PPM1K: variants seen among roughly 807,000 people sequenced by gnomAD.
PPM1K encodes protein phosphatase, Mg2+/Mn2+ dependent 1K.
PPM1K carries 19 observed loss-of-function variants against 32.6 expected under a neutral mutation model. The observed-to-expected ratio is 0.58, with a 90% confidence interval of 0.41 to 0.86. The LOEUF (loss-of-function observed/expected upper bound fraction) is 0.86, where lower values mean the gene tolerates loss of function less well. Among genes scored for constraint, PPM1K ranks in the 40% least tolerant of loss-of-function variants. The pLI is 0.00. For missense variants in PPM1K, 362 were observed against 461.2 expected, an observed-to-expected ratio of 0.78 and a Z score of 1.97; for synonymous variants, 159 against 165.3, an observed-to-expected ratio of 0.96 and a Z score of 0.29.
intron 3 of PPM1K, among the ~76,000 whole-genome samples, chr4:88,272,320 T>C (rs1268126343): frequency 6.6e-6 from 1 of 152,168 alleles, no homozygotes; most frequent in Non-Finnish European, 1.5e-5. Flanking sequence ...GTAGTTTAAT[T>C]CTTCCATAAA....
In PPM1K at chr4:88,262,613, G is replaced by A. The variant is rs1423602298; in HGVS notation, c.1101C>T (p.Ser367=). 15 of 1,613,884 alleles carry A rather than the reference G, an allele frequency of 9.3e-6. No homozygotes were observed. The highest frequency in any genetic ancestry group is 1.3e-5 in the African/African-American group (1 of 74,896). ...INFSFSRSFA[S]SGRWA ...CTGGTAATCAGGCCCATCGTCCACTGGAGGCAAAGCTTCTGCTGAATGAGA... is the reference window on the plus strand; with the variant it reads ...CTGGTAATCAGGCCCATCGTCCACTAGAGGCAAAGCTTCTGCTGAATGAGA... Residue 367 remains serine (S), a synonymous_variant, in exon 7 of 7, where the codon TCC becomes TCT. Transcript: ENST00000608933.
At chr4:88,276,285 TAAG>T (rs775344398) in intron 3 of PPM1K, 24 of 985,420 alleles carry the variant, frequency 2.4e-5, no homozygotes, top group Non-Finnish European at 2.9e-5. Flanking sequence ...TTCTTTTTTT[TAAG>T]AAAAGGATGA....
rs56695048 is a variant in PPM1K, at chr4:88,261,864, ATTTTTTTTTTTTTTT to A, written c.*716_*730del. ...AGGTGTCTGCCACCACGCCCAGCCA[ATTTTTTTTTTTTTTT>A]TTTTTTTTTTTTTGGATTTTTACTA... On this transcript the variant is annotated 3_prime_UTR_variant, in exon 7 of 7. Coordinates refer to ENST00000608933, the MANE Select transcript of PPM1K (RefSeq NM_152542.5). 2.7e-4 allele frequency: 20 copies of A among 74,650 alleles called. No individual in the cohort carries two copies. Among genetic ancestry groups the A allele is most frequent in the Non-Finnish European group, 4.6e-4 (19 of 40,894 alleles). The allele number at this position is 74,650 out of a possible 1,614,324, so 4.6% of individuals were successfully genotyped here.
Position 88,268,337 on chromosome 4 carries a change from G to A in PPM1K, c.708-3C>T. On this transcript the variant is annotated splice_region_variant and splice_polypyrimidine_tract_variant and intron_variant, in intron 4 of 6. Coordinates refer to ENST00000608933, the MANE Select transcript of PPM1K (RefSeq NM_152542.5). ...CAAAACCACCACATTTCTTGATCCTGTTAAAAGTTAAATGACAATGGTGTG... is the reference window on the plus strand; with the variant it reads ...CAAAACCACCACATTTCTTGATCCTATTAAAAGTTAAATGACAATGGTGTG... The A allele has an allele frequency of 6.8e-6, 11 of 1,614,174 alleles. No homozygotes were observed. The highest frequency in any genetic ancestry group is 9.3e-6 in the Non-Finnish European group (11 of 1,180,030).
intron 3 of PPM1K, among the ~76,000 whole-genome samples, chr4:88,273,297 A>T (rs1731634070): frequency 6.6e-6 from 1 of 152,206 alleles, no homozygotes; most frequent in African/African-American, 2.4e-5. Flanking sequence ...TTCTTTTCTA[A>T]CAAAGAGCAA....
chr4:88,275,330 A>G, intron 3 of PPM1K: 1 of 963,690 alleles, frequency 1.0e-6, no homozygotes. Context: ...TTTTGTGATT[A>G]ATTTCTTTAT....
chr4:88,271,816 G>A (rs1220700058), intron 3 of PPM1K, among the ~76,000 whole-genome samples: 4 of 152,146 alleles, frequency 2.6e-5, no homozygotes, highest in Admixed American at 6.5e-5. Context: ...AAGATACATA[G>A]AGTAATGCAT....
At chr4:88,273,089 A>T (rs942709806) in intron 3 of PPM1K, among the ~76,000 whole-genome samples, 1 of 152,236 alleles carries the variant, frequency 6.6e-6, no homozygotes, top group Non-Finnish European at 1.5e-5. Flanking sequence ...AATGTTAGTA[A>T]GATAATTTGA....
Position 88,258,620 on chromosome 4 carries a change from CTG to C in PPM1K, c.*3973_*3974del, listed in dbSNP as rs1730998505. 6.7e-6 allele frequency: 1 copy of C among 149,890 alleles called. No individual in the cohort carries two copies. Among genetic ancestry groups the C allele is most frequent in the African/African-American group, 2.5e-5 (1 of 40,748 alleles). 9.3% of individuals were successfully genotyped at this position (149,890 alleles called of 1,614,324 possible). A position where few individuals can be genotyped will look rare whatever the true frequency, so the allele number is the denominator to read the frequency against. ...TCCAGCCTGGCGACAGAGCGAGACTCTGTCTCAAGAAAAAAAAAAAATTCCAT... is the reference window on the plus strand; with the variant it reads ...TCCAGCCTGGCGACAGAGCGAGACTCTCTCAAGAAAAAAAAAAAATTCCAT... On this transcript the variant is annotated 3_prime_UTR_variant, in exon 7 of 7. Transcript: ENST00000608933.
chr4:88,283,973 C>T (rs1487180325), intron 1 of PPM1K: 3 of 152,328 alleles, frequency 2.0e-5, no homozygotes, highest in Non-Finnish European at 4.4e-5. Context: ...CGCCACGTTT[C>T]CCTCGCCCGG....
chr4:88,280,805 C>T (rs1731976653), intron 1 of PPM1K, among the ~76,000 whole-genome samples: 1 of 152,090 alleles, frequency 6.6e-6, no homozygotes, highest in African/African-American at 2.4e-5. Flanking sequence ...GCTAAGATCA[C>T]ACCACTGCAC....
rs892874473 is a variant in PPM1K at position 88,260,781 on chromosome 4, A to G, written c.*1814T>C. On this transcript the variant is annotated 3_prime_UTR_variant, in exon 7 of 7. Transcript: ENST00000608933. ...TAAAGAAAAAAAAAAAAGTCAACTCAAAACACAGTTGAAGGTATATACTAC... is the reference window on the plus strand; with the variant it reads ...TAAAGAAAAAAAAAAAAGTCAACTCGAAACACAGTTGAAGGTATATACTAC... 1.3e-5 allele frequency: 2 copies of G among 152,054 alleles called. No homozygotes were observed. Among genetic ancestry groups the G allele is most frequent in the Non-Finnish European group, 2.9e-5 (2 of 67,986 alleles). The allele number at this position is 152,054 out of a possible 1,614,324, so 9.4% of individuals were successfully genotyped here. A position where few individuals can be genotyped will look rare whatever the true frequency, so the allele number is the denominator to read the frequency against.
At chr4:88,270,284 C>A (rs952944321) in intron 3 of PPM1K, among the ~76,000 whole-genome samples, 123 of 152,228 alleles carry the variant, frequency 8.1e-4, no homozygotes, top group African/African-American at 2.9e-3. Flanking sequence ...AAAGCATGAA[C>A]AAACTCTACT....
At chr4:88,275,310 T>G (rs1731721068) in intron 3 of PPM1K, 1 of 941,850 alleles carries the variant, frequency 1.1e-6, no homozygotes. Context: ...AGTTAGCATA[T>G]GAATTACATT....
In PPM1K at chr4:88,261,204, T is replaced by C. The variant is rs891090791; in HGVS notation, c.*1391A>G. On this transcript the variant is annotated 3_prime_UTR_variant, in exon 7 of 7. Coordinates refer to ENST00000608933, the MANE Select transcript of PPM1K (RefSeq NM_152542.5). ...ACTTACATGCAGATAAAGAGAAGTA[T>C]AGTTTTATACTTCCTAAGTTACACA... 12 of 152,338 alleles carry C rather than the reference T, an allele frequency of 7.9e-5. No homozygotes were observed. The highest frequency in any genetic ancestry group is 6.2e-4 in the South Asian group (3 of 4,828). The allele number at this position is 152,338 out of a possible 1,614,324, so 9.4% of individuals were successfully genotyped here.
At position 88,268,349 on chromosome 4, in the gene PPM1K, A is replaced by G; in HGVS notation, c.708-15T>C. On this transcript the variant is annotated splice_polypyrimidine_tract_variant and intron_variant, in intron 4 of 6. Coordinates refer to ENST00000608933, the MANE Select transcript of PPM1K (RefSeq NM_152542.5). Reference sequence around the variant, plus strand: ...ATTTCTTGATCCTGTTAAAAGTTAAATGACAATGGTGTGATATGTAGAAAA... The same window carrying G: ...ATTTCTTGATCCTGTTAAAAGTTAAGTGACAATGGTGTGATATGTAGAAAA... The G allele has an allele frequency of 6.2e-7, 1 of 1,614,214 alleles. No homozygotes were observed.
At chr4:88,275,989 A>G (rs1666963823) in intron 3 of PPM1K, 1 of 985,402 alleles carries the variant, frequency 1.0e-6, no homozygotes, top group Non-Finnish European at 1.2e-6. Context: ...CCCTGAAGAG[A>G]GTGGACTGTA....
rs1731141658 is a variant in PPM1K, at chr4:88,262,088, G to A, written c.*507C>T. On this transcript the variant is annotated 3_prime_UTR_variant, in exon 7 of 7. Transcript: ENST00000608933. ...CCAGAATACAAAATATGGTAACAGA[G>A]AACTGTTTTCATACTTATTCCTTGG... The A allele has an allele frequency of 6.6e-6, 1 of 152,054 alleles. No homozygotes were observed. Among genetic ancestry groups the A allele is most frequent in the South Asian group, 2.1e-4 (1 of 4,830 alleles). The allele number at this position is 152,054 out of a possible 1,614,324, so 9.4% of individuals were successfully genotyped here. A position where few individuals can be genotyped will look rare whatever the true frequency, so the allele number is the denominator to read the frequency against.
chr4:88,280,833 A>C (rs1366634660), intron 1 of PPM1K, among the ~76,000 whole-genome samples: 1 of 152,196 alleles, frequency 6.6e-6, no homozygotes, highest in Non-Finnish European at 1.5e-5. Flanking sequence ...TGAGCAATGG[A>C]GCAAGACATT....
Sources: gnomAD v4.1 joint callset for allele counts (sites outside exome capture counted in the v4.1 genomes callset) on GRCh38, gnomAD v4.1.1 for gene constraint, MANE v1.5 for transcripts, NCBI Gene and HGNC (gene_info 2026-07-23, HGNC 2026-07-21) for gene names.